The following CNNM2 variants were observed in gnomAD, a reference collection of about 807,000 sequenced individuals.
CNNM2 encodes metal transporter CNNM2.
Under a neutral mutation model 66.9 loss-of-function variants are expected in CNNM2, and 12 were observed. The observed-to-expected ratio is 0.18, with a 90% CI of 0.11 to 0.29. CNNM2 has a LOEUF of 0.29. Ranked by LOEUF, CNNM2 falls within the 10% of genes least tolerant of loss-of-function variation. CNNM2 has a pLI of 1.00. For synonymous variants in CNNM2, 557 were observed against 501.8 expected (o/e 1.11, Z -1.47); for missense variants, 705 against 1,167.7 (o/e 0.60, Z 5.77).
At chr10:102,985,795 A>G (rs573861677) in intron 1 of CNNM2, among the ~76,000 whole-genome samples, 2 of 152,338 alleles carry the variant, frequency 1.3e-5, no homozygotes, top group South Asian at 2.1e-4. Flanking sequence ...AGGGACTAGT[A>G]AAAGGATTGG....
At chr10:102,964,284 A>G (rs2063427555) in intron 1 of CNNM2, among the ~76,000 whole-genome samples, 1 of 150,914 alleles carries the variant, frequency 6.6e-6, no homozygotes. Flanking sequence ...GCTGGAGTGC[A>G]GTGGCACCAT....
intron 1 of CNNM2, among the ~76,000 whole-genome samples, chr10:102,929,738 T>G (rs905011495): frequency 6.6e-6 from 1 of 152,204 alleles, no homozygotes; most frequent in Non-Finnish European, 1.5e-5. Context: ...AGTTTCCACT[T>G]TTTGGCCATT....
At chr10:102,946,768 A>G (rs2134186095) in intron 1 of CNNM2, among the ~76,000 whole-genome samples, 1 of 152,324 alleles carries the variant, frequency 6.6e-6, no homozygotes, top group East Asian at 1.9e-4. Flanking sequence ...CAACCGGGAT[A>G]GAACTTGAAG....
rs1358633439 is a variant in CNNM2, at chr10:103,082,988, T to C, written c.*5808T>C. On this transcript the variant is annotated 3_prime_UTR_variant, in exon 8 of 8. Coordinates refer to ENST00000369878, the MANE Select transcript of CNNM2 (RefSeq NM_017649.5). ...AGATTGCATAATCCATCTTTCTGGA[T>C]AATGGAAGCTGCCTGCCTATCTGGG... 6.6e-6 allele frequency: 1 copy of C among 152,238 alleles called. No homozygotes were observed. Among genetic ancestry groups the C allele is most frequent in the Non-Finnish European group, 1.5e-5 (1 of 68,048 alleles). The allele number at this position is 152,238 out of a possible 1,614,324, so 9.4% of individuals were successfully genotyped here. A position where few individuals can be genotyped will look rare whatever the true frequency, so the allele number is the denominator to read the frequency against.
At chr10:103,074,336 A>G (rs2065652771) in intron 6 of CNNM2, among the ~76,000 whole-genome samples, 1 of 152,202 alleles carries the variant, frequency 6.6e-6, no homozygotes, top group South Asian at 2.1e-4. Flanking sequence ...CACATTTTAC[A>G]GATAAAGAAT....
intron 1 of CNNM2, among the ~76,000 whole-genome samples, chr10:102,983,720 CATGA>C (rs1200988525): frequency 2.0e-5 from 3 of 150,886 alleles, no homozygotes; most frequent in Non-Finnish European, 4.4e-5. Context: ...GGATTACAGG[CATGA>C]GCCACCTGGC....
At chr10:102,962,690 CTGTGTGTGTGTGTGTGTGTG>C (rs10580172) in intron 1 of CNNM2, among the ~76,000 whole-genome samples, 4 of 143,802 alleles carry the variant, frequency 2.8e-5, no homozygotes, top group Non-Finnish European at 6.0e-5. Context: ...ATATGATATA[CTGTGTGTGTGTGTGTGTGTG>C]TGTGTGTGTG....
chr10:102,971,239 C>G (rs1184120014), intron 1 of CNNM2, among the ~76,000 whole-genome samples: 1 of 141,948 alleles, frequency 7.0e-6, no homozygotes, highest in African/African-American at 2.6e-5. Context: ...ACTTAGAGAC[C>G]TCGTCCCTAA....
At chr10:103,075,550 G>A (rs1287788654) in intron 6 of CNNM2, among the ~76,000 whole-genome samples, 2 of 152,184 alleles carry the variant, frequency 1.3e-5, no homozygotes, top group Non-Finnish European at 2.9e-5. Flanking sequence ...CTACCTGATG[G>A]GGGATTTTAC....
chr10:103,066,164 C>T (rs1780576277), intron 4 of CNNM2, among the ~76,000 whole-genome samples: 1 of 152,162 alleles, frequency 6.6e-6, no homozygotes, highest in Non-Finnish European at 1.5e-5. Flanking sequence ...TGCCATGGTG[C>T]CGTGGTCTGG....
At chr10:103,040,584 G>T (rs1267439765) in intron 1 of CNNM2, among the ~76,000 whole-genome samples, 1 of 152,194 alleles carries the variant, frequency 6.6e-6, no homozygotes. Flanking sequence ...AAACAGGAGT[G>T]TTGGCCGTTG....
At position 103,036,588 on chromosome 10, in the gene CNNM2, T is replaced by C. The variant is rs12415388; in HGVS notation, c.1622-13119T>C. On this transcript the variant is annotated intron_variant, in intron 1 of 7. Coordinates refer to ENST00000369878, the MANE Select transcript of CNNM2 (RefSeq NM_017649.5). The stretch of plus-strand genomic sequence containing the variant: ...TCTGCAGACGTTTATCAAATCGAGG[T>C]GGGGTCTCTGCTACTCTCTCCAAAA... Among the ~76,000 whole-genome samples the C allele has an allele frequency of 0.31, 46,867 of 151,968 alleles. 7,359 individuals carry two copies. Among genetic ancestry groups the C allele is most frequent in the Middle Eastern group, 0.36 (107 of 294 alleles).
chr10:102,973,700 C>T (rs1385324505), intron 1 of CNNM2, among the ~76,000 whole-genome samples: 1 of 152,020 alleles, frequency 6.6e-6, no homozygotes, highest in Non-Finnish European at 1.5e-5. Flanking sequence ...ACAGAAAGTT[C>T]AAACATTTTA....
chr10:102,971,858 T>G (rs561091263), intron 1 of CNNM2, among the ~76,000 whole-genome samples: 1 of 152,354 alleles, frequency 6.6e-6, no homozygotes, highest in South Asian at 2.1e-4. Context: ...AAGTGAAAAA[T>G]AGCTCATTGT....
At chr10:102,969,876 C>T (rs1165975629) in intron 1 of CNNM2, among the ~76,000 whole-genome samples, 1 of 151,882 alleles carries the variant, frequency 6.6e-6, no homozygotes, top group Non-Finnish European at 1.5e-5. Context: ...CTCCTGACCT[C>T]AGGTGATCCG....
At chr10:103,047,398 A>C (rs1347744007) in intron 1 of CNNM2, among the ~76,000 whole-genome samples, 1 of 152,248 alleles carries the variant, frequency 6.6e-6, no homozygotes, top group Non-Finnish European at 1.5e-5. Context: ...GAGGAGACTA[A>C]AGAGACATGA....
chr10:103,074,069 C>G (rs2065647641), intron 6 of CNNM2, among the ~76,000 whole-genome samples: 1 of 151,778 alleles, frequency 6.6e-6, no homozygotes, highest in Non-Finnish European at 1.5e-5. Context: ...AGGTGGATCA[C>G]CTGAGGTCAG....
rs535552840 is a variant in CNNM2 at position 102,984,745 on chromosome 10, T to G, written c.1621+64644T>G. On this transcript the variant is annotated intron_variant, in intron 1 of 7. Transcript: ENST00000369878. ...TGTGATCTCGGCTCACTGCAACCTC[T>G]GCCTCCCGGGTTCAAGTGATTCTCC... 4.0e-5 allele frequency among the ~76,000 whole-genome samples: 6 copies of G among 151,666 alleles called. No homozygotes were observed. In the South Asian group the frequency reaches 1.3e-3, roughly 32 times the overall value.
At chr10:102,984,293 C>G (rs552471484) in intron 1 of CNNM2, among the ~76,000 whole-genome samples, 2 of 152,158 alleles carry the variant, frequency 1.3e-5, no homozygotes, top group Non-Finnish European at 2.9e-5. Flanking sequence ...GAGGAGGATT[C>G]AGCAGAAGCT....
Sources: gnomAD v4.1 joint callset for allele counts (sites outside exome capture counted in the v4.1 genomes callset) on GRCh38, gnomAD v4.1.1 for gene constraint, MANE v1.5 for transcripts, NCBI Gene and HGNC (gene_info 2026-07-23, HGNC 2026-07-21) for gene names.